The following PRPF18 variants were observed in gnomAD, a reference collection of about 807,000 sequenced individuals.
PRPF18 encodes pre-mRNA processing factor 18.
A neutral mutation model predicts 46.5 loss-of-function variants in PRPF18; 38 were observed. The observed-to-expected ratio is 0.82, with a 90% CI of 0.63 to 1.07. PRPF18 has a LOEUF of 1.07. PRPF18 is among the 50% of genes least tolerant of loss of function. The pLI is 0.00. For missense variants in PRPF18, 263 were observed against 410.0 expected (o/e 0.64, Z 3.10); for synonymous variants, 152 against 146.7 (o/e 1.04, Z -0.26).
intron 2 of PRPF18, 141 bp from the exon 3 acceptor site, chr10:13,600,103 T>C (rs1270587374): frequency 1.3e-5 from 8 of 625,266 alleles, no homozygotes; most frequent in East Asian, 1.2e-4. Context: ...TGTACACTTA[T>C]TGTGAGCTCT....
intron 1 of PRPF18, among the ~76,000 whole-genome samples, chr10:13,589,654 G>C (rs1042879986): frequency 6.6e-6 from 1 of 152,182 alleles, no homozygotes; most frequent in African/African-American, 2.4e-5. Flanking sequence ...TTGACCTCAT[G>C]AGTCCTCTCA....
the PRPF18 span, chr10:13,651,969 G>A: frequency 1.3e-6 from 2 of 1,575,768 alleles, no homozygotes; most frequent in Non-Finnish European, 1.7e-6. Context: ...GTTTTCTGTT[G>A]CTTCTCTGAA....
chr10:13,625,535 C>T (rs1234618473), intron 9 of PRPF18, among the ~76,000 whole-genome samples: 4 of 152,098 alleles, frequency 2.6e-5, no homozygotes, highest in Non-Finnish European at 2.9e-5. Flanking sequence ...ATAGCCATTA[C>T]AACAGAAAAG....
In PRPF18 at chr10:13,605,706, T is replaced by TTA; in HGVS notation, c.326_327dup (p.Arg110Ter). ...GACTGATTATGATGCTTTTCAACGT[T>TTA]TAAGGAAAATAGAGATCCTCACACC... On this transcript the variant is annotated frameshift_variant, in exon 4 of 10. Coordinates refer to ENST00000378572, the MANE Select transcript of PRPF18 (RefSeq NM_003675.4). LOFTEE classifies it high-confidence loss of function. The TTA allele has an allele frequency of 6.2e-7, 1 of 1,613,404 alleles. No homozygotes were observed. Among genetic ancestry groups the TTA allele is most frequent in the Non-Finnish European group, 8.5e-7 (1 of 1,179,772 alleles).
At chr10:13,648,112 C>T in the PRPF18 span, 2 of 152,246 alleles carry the variant, frequency 1.3e-5, no homozygotes, top group East Asian at 1.9e-4. Context: ...AAATGTTTCT[C>T]ATCTGGCCTT....
At chr10:13,616,585 G>A in intron 9 of PRPF18, 32 bp downstream of exon 9, 1 of 1,607,836 alleles carries the variant, frequency 6.2e-7, no homozygotes, top group Non-Finnish European at 8.5e-7. Context: ...GAATTGCCCT[G>A]GAAGTGAATA....
Position 13,597,531 on chromosome 10 carries a change from A to G in PRPF18, c.140A>G (p.Tyr47Cys), listed in dbSNP as rs1169954385. 1 of 1,610,738 alleles carries G rather than the reference A, an allele frequency of 6.2e-7. No homozygotes were observed. Among genetic ancestry groups the G allele is most frequent in the Non-Finnish European group, 8.5e-7 (1 of 1,178,098 alleles). Residue 47 changes from tyrosine to cysteine, a missense_variant, in exon 2 of 10, where the codon TAC (tyrosine) becomes TGC (cysteine). Physicochemically the swap from Tyr to Cys is radical, Grantham distance 194. Transcript: ENST00000378572. Reference sequence around the variant, plus strand: ...GAAGCATATTTTGAAAGATGTGGCTACAAGGTATGAATGTCTGCTTTTATG... The same window carrying G: ...GAAGCATATTTTGAAAGATGTGGCTGCAAGGTATGAATGTCTGCTTTTATG... ...EEEAYFERCG[Y>C]KIQPKEEDQK...
chr10:13,597,804 T>G (rs937122186), intron 2 of PRPF18: 21 of 573,444 alleles, frequency 3.7e-5, no homozygotes, highest in Non-Finnish European at 5.5e-5. Context: ...TGAATTTTTT[T>G]TTTTTTTTAA....
rs2080270475 is a variant in PRPF18, at chr10:13,611,651, A to G, written c.547A>G (p.Lys183Glu). 1.9e-6 allele frequency: 3 copies of G among 1,614,018 alleles called. No individual in the cohort carries two copies. The highest frequency in any genetic ancestry group is 2.2e-5 in the East Asian group (1 of 44,878). The change falls in exon 6 of 10, where the codon AAA becomes GAA. Residue 183 changes from lysine to glutamate, a missense_variant. This residue lies in a region of PRPF18 where 155 missense variants were observed against 245.1 expected (regional missense o/e 0.63). Transcript: ENST00000378572. ...GESLGKGDDH[K>E]DMDIITKFLK... ...GTCCTTAGGGAAAGGCGATGATCAT[A>G]AAGACATGGACATCATCACCAAATT... is the stretch of plus-strand genomic sequence containing the variant.
At chr10:13,599,540 G>C (rs539554187) in intron 2 of PRPF18, among the ~76,000 whole-genome samples, 1 of 152,300 alleles carries the variant, frequency 6.6e-6, no homozygotes, top group South Asian at 2.1e-4. Flanking sequence ...CTTAAACTGA[G>C]ACTTGAGCAA....
intron 3 of PRPF18, among the ~76,000 whole-genome samples, chr10:13,602,417 A>G (rs2133403420): frequency 6.6e-6 from 1 of 152,086 alleles, no homozygotes; most frequent in South Asian, 2.1e-4. Context: ...TCAGATGTAC[A>G]TAGTGTATAT....
intron 9 of PRPF18, among the ~76,000 whole-genome samples, chr10:13,623,382 T>A (rs924797583): frequency 1.1e-4 from 17 of 152,356 alleles, no homozygotes; most frequent in Non-Finnish European, 2.2e-4. Context: ...TTAACTTAAG[T>A]ATTGCATATT....
At chr10:13,619,635 C>T (rs1340311347) in intron 9 of PRPF18, among the ~76,000 whole-genome samples, 2 of 152,168 alleles carry the variant, frequency 1.3e-5, no homozygotes, top group African/African-American at 2.4e-5. Flanking sequence ...CACTTTCCTA[C>T]TCCTTATGTA....
chr10:13,645,557 CATT>C, the PRPF18 span: 1 of 152,622 alleles, frequency 6.6e-6, no homozygotes, highest in Non-Finnish European at 1.5e-5. Context: ...AGCTCCCACA[CATT>C]AATTTTTTTC....
intron 1 of PRPF18, among the ~76,000 whole-genome samples, chr10:13,589,755 G>A (rs2079929541): frequency 6.6e-6 from 1 of 152,218 alleles, no homozygotes; most frequent in Non-Finnish European, 1.5e-5. Context: ...ATGTGATGTA[G>A]TGTAAGTAAG....
intron 3 of PRPF18, among the ~76,000 whole-genome samples, chr10:13,603,415 A>G (rs768695441): frequency 1.3e-5 from 2 of 152,218 alleles, no homozygotes; most frequent in Non-Finnish European, 2.9e-5. Context: ...TTGCCTTTAG[A>G]CAGAACCACT....
chr10:13,592,658 T>C (rs1034425499), intron 1 of PRPF18, among the ~76,000 whole-genome samples: 8 of 152,236 alleles, frequency 5.3e-5, no homozygotes, highest in Admixed American at 4.6e-4. Context: ...TCTGCATTGC[T>C]AGAACACCAG....
At chr10:13,649,439 TCTGGATGATGGGGTGGGAGATG>T in the PRPF18 span, 1 of 127,270 alleles carries the variant, frequency 7.9e-6, no homozygotes, top group African/African-American at 2.7e-5. Context: ...ATCGGGAGGA[TCTGGATGATGGGGTGGGAGATG>T]CTGGATTGGT....
At chr10:13,651,237 T>TTGGAAAAGCAGTGCTCATAGC in the PRPF18 span, 5 of 152,206 alleles carry the variant, frequency 3.3e-5, no homozygotes, top group Admixed American at 3.3e-4. Context: ...TTATGGACAT[T>TTGGAAAAGCAGTGCTCATAGC]TGGAAAAGCA....
Sources: gnomAD v4.1 joint callset for allele counts (sites outside exome capture counted in the v4.1 genomes callset) on GRCh38, gnomAD v4.1.1 for gene constraint, gnomAD v4.1.1 regional missense constraint, MANE v1.5 for transcripts, NCBI Gene and HGNC (gene_info 2026-07-23, HGNC 2026-07-21) for gene names.